The following KCNQ3 variants were observed in gnomAD, a reference collection of about 807,000 sequenced individuals.
KCNQ3 encodes the protein potassium voltage-gated channel subfamily KQT member 3.
A neutral mutation model predicts 92.5 loss-of-function variants in KCNQ3; 30 were observed. The ratio of observed to expected loss-of-function variants is 0.32; its 90% CI spans 0.24 to 0.44. The LOEUF (loss-of-function observed/expected upper bound fraction) is 0.44, where lower values mean the gene tolerates loss of function less well. Ranked by LOEUF, KCNQ3 falls within the 20% of genes least tolerant of loss-of-function variation. KCNQ3 has a pLI of 1.00. For synonymous variants in KCNQ3, 450 were observed against 468.8 expected (o/e 0.96, Z 0.52); for missense variants, 913 against 1,140.3 (o/e 0.80, Z 2.87).
At chr8:132,223,154 A>T (rs1425074786) in intron 1 of KCNQ3, among the ~76,000 whole-genome samples, 1 of 151,570 alleles carries the variant, frequency 6.6e-6, no homozygotes, top group Non-Finnish European at 1.5e-5. Flanking sequence ...TCCTCATGAA[A>T]GGAAGGAAGG....
intron 1 of KCNQ3, among the ~76,000 whole-genome samples, chr8:132,253,741 C>T (rs1025581156): frequency 2.0e-5 from 3 of 152,176 alleles, no homozygotes; most frequent in East Asian, 1.9e-4. Flanking sequence ...CTCTTGGATT[C>T]GTCTTCACCG....
intron 1 of KCNQ3, among the ~76,000 whole-genome samples, chr8:132,425,552 C>T (rs1452581326): frequency 6.6e-6 from 1 of 152,186 alleles, no homozygotes; most frequent in African/African-American, 2.4e-5. Context: ...GTGTCACCAT[C>T]TGGTTTTTTT....
At chr8:132,407,864 C>G (rs1820534015) in intron 1 of KCNQ3, among the ~76,000 whole-genome samples, 1 of 152,256 alleles carries the variant, frequency 6.6e-6, no homozygotes, top group African/African-American at 2.4e-5. Context: ...AAGCAGCCCC[C>G]AGACCACATC....
At position 132,462,500 on chromosome 8, in the gene KCNQ3, C is replaced by G. The variant is rs778166856; in HGVS notation, c.386+17647G>C. On this transcript the variant is annotated intron_variant, in intron 1 of 14. Coordinates refer to ENST00000388996, the MANE Select transcript of KCNQ3 (RefSeq NM_004519.4). The stretch of plus-strand genomic sequence containing the variant: ...ACTGCACCCAGCTGTGAATTGTACA[C>G]TTTTAAATGGTAAGTTTTTAAGTTA... 6.6e-4 allele frequency among the ~76,000 whole-genome samples: 100 copies of G among 152,186 alleles called. 2 individuals are homozygous for G. Among genetic ancestry groups the G allele is most frequent in the Admixed American group, 5.9e-4 (9 of 15,268 alleles).
At chr8:132,173,564 G>A (rs544025327) in intron 6 of KCNQ3, among the ~76,000 whole-genome samples, 1 of 152,146 alleles carries the variant, frequency 6.6e-6, no homozygotes, top group African/African-American at 2.4e-5. Context: ...ATTAAGTCTC[G>A]GGTTTCACAT....
rs78607181 is a variant in KCNQ3, at chr8:132,307,259, G to A, written c.387-121078C>T. Among the ~76,000 whole-genome samples, 760 of 152,332 alleles carry A rather than the reference G, an allele frequency of 5.0e-3. 7 individuals carry two copies. Among genetic ancestry groups the A allele is most frequent in the African/African-American group, 0.018 (730 of 41,562 alleles). ...TTCCACAGTGACACCATGTGGCAGT[G>A]AGACAAGAGTGGACTAAGTACACTT... On this transcript the variant is annotated intron_variant, in intron 1 of 14. Coordinates refer to ENST00000388996, the MANE Select transcript of KCNQ3 (RefSeq NM_004519.4).
At chr8:132,202,728 C>A (rs1827499981) in intron 1 of KCNQ3, among the ~76,000 whole-genome samples, 1 of 152,134 alleles carries the variant, frequency 6.6e-6, no homozygotes, top group African/African-American at 2.4e-5. Context: ...ATCCAAATGG[C>A]TTTTACCACT....
intron 10 of KCNQ3, 101 bp from the exon 11 acceptor site, chr8:132,140,279 A>G (rs1158420900): frequency 5.4e-6 from 4 of 746,072 alleles, no homozygotes; most frequent in Non-Finnish European, 9.3e-6. Context: ...GGATGTGTCA[A>G]TCCCCAGAGT....
intron 1 of KCNQ3, among the ~76,000 whole-genome samples, chr8:132,264,816 G>C (rs1038668116): frequency 6.6e-6 from 1 of 152,156 alleles, no homozygotes; most frequent in Non-Finnish European, 1.5e-5. Flanking sequence ...TTTTTGTGAG[G>C]GTTAAAGAAA....
In KCNQ3 at chr8:132,186,163, C is replaced by A. The variant is rs369992168; in HGVS notation, c.405G>T (p.Gly135=). ...TGGTCAGGACAGCCAGAATCAAGCA[C>A]CCCAGGACAATCAGGAACCTAGAGG... ...YHALVFLIVL[G]CLILAVLTTF... is the part of the protein sequence containing the mutation. Residue 135 remains glycine (G), a synonymous_variant, in exon 2 of 15, where the codon GGG becomes GGT. Transcript: ENST00000388996. 3.1e-6 allele frequency: 5 copies of A among 1,613,334 alleles called. No homozygotes were observed. Among genetic ancestry groups the A allele is most frequent in the Admixed American group, 3.3e-5 (2 of 59,988 alleles).
intron 1 of KCNQ3, among the ~76,000 whole-genome samples, chr8:132,297,376 G>T (rs1249246420): frequency 1.3e-5 from 2 of 152,050 alleles, no homozygotes; most frequent in Non-Finnish European, 1.5e-5. Flanking sequence ...CTTTTGCTGT[G>T]CAGAAGCTCT....
intron 1 of KCNQ3, among the ~76,000 whole-genome samples, chr8:132,372,786 G>A (rs1158338731): frequency 1.7e-5 from 2 of 116,544 alleles, no homozygotes; most frequent in Non-Finnish European, 3.4e-5. Flanking sequence ...AAAAAAAAAC[G>A]CTTAGAGCAG....
At chr8:132,474,724 G>A (rs772047080) in intron 1 of KCNQ3, among the ~76,000 whole-genome samples, 2 of 152,096 alleles carry the variant, frequency 1.3e-5, no homozygotes, top group African/African-American at 4.8e-5. Context: ...TAAGGTTACA[G>A]GAGAATAAGC....
At position 132,343,838 on chromosome 8, in the gene KCNQ3, C is replaced by T. The variant is rs533956055; in HGVS notation, c.386+136309G>A. Reference sequence around the variant, plus strand: ...AGTCTTCAGTTCCATATTTTCTTTGCCACCCTGAAATGAAGGGCGTATCTG... The same window carrying T: ...AGTCTTCAGTTCCATATTTTCTTTGTCACCCTGAAATGAAGGGCGTATCTG... On this transcript the variant is annotated intron_variant, in intron 1 of 14. Transcript: ENST00000388996. 1.7e-4 allele frequency among the ~76,000 whole-genome samples: 26 copies of T among 152,220 alleles called. 1 individual carries two copies. In the South Asian group the frequency reaches 5.4e-3, roughly 32 times the overall value.
intron 1 of KCNQ3, among the ~76,000 whole-genome samples, chr8:132,287,520 T>C (rs1327453641): frequency 6.6e-6 from 1 of 152,204 alleles, no homozygotes; most frequent in African/African-American, 2.4e-5. Flanking sequence ...ACAACCCAAA[T>C]ATCCATGAGT....
intron 1 of KCNQ3, among the ~76,000 whole-genome samples, chr8:132,409,469 A>C (rs2130795197): frequency 6.6e-6 from 1 of 152,224 alleles, no homozygotes; most frequent in East Asian, 1.9e-4. Context: ...GTAAAAAAAA[A>C]AAAAATAGCT....
At chr8:132,363,290 A>G (rs911425490) in intron 1 of KCNQ3, among the ~76,000 whole-genome samples, 6 of 152,218 alleles carry the variant, frequency 3.9e-5, no homozygotes, top group Non-Finnish European at 5.9e-5. Flanking sequence ...AGGCTAGATT[A>G]TGATGCTGGA....
intron 1 of KCNQ3, among the ~76,000 whole-genome samples, chr8:132,366,187 T>C (rs1156489325): frequency 1.3e-5 from 2 of 152,240 alleles, no homozygotes; most frequent in African/African-American, 4.8e-5. Context: ...TCTCTTCATA[T>C]AGCTCTTGCA....
intron 8 of KCNQ3, among the ~76,000 whole-genome samples, chr8:132,166,286 G>T (rs1476005277): frequency 1.3e-5 from 2 of 152,116 alleles, no homozygotes; most frequent in Non-Finnish European, 2.9e-5. Flanking sequence ...TATAGAAAAT[G>T]AAAAGCCAGA....
Sources: gnomAD v4.1 joint callset for allele counts (sites outside exome capture counted in the v4.1 genomes callset) on GRCh38, gnomAD v4.1.1 for gene constraint, MANE v1.5 for transcripts, NCBI Gene and HGNC (gene_info 2026-07-23, HGNC 2026-07-21) for gene names.